The following RIPOR2 variants were observed in gnomAD, a reference collection of about 807,000 sequenced individuals.
RIPOR2 encodes RHO family interacting cell polarization regulator 2, also known as rho family-interacting cell polarization regulator 2.
A neutral mutation model predicts 114.5 loss-of-function variants in RIPOR2; 39 were observed. The observed-to-expected ratio is 0.34, with a 90% CI of 0.26 to 0.44. The LOEUF (loss-of-function observed/expected upper bound fraction) is 0.44. RIPOR2 is among the 20% of genes least tolerant of loss of function. The probability of loss-of-function intolerance (pLI) is 1.00; values close to 1 mark genes in which losing one functional copy is unlikely to be tolerated. For synonymous variants in RIPOR2, 445 were observed against 484.4 expected (o/e 0.92, Z 1.07); for missense variants, 1,007 against 1,255.1 (o/e 0.80, Z 2.99).
At chr6:25,036,385 TTTTG>T (rs1777257733) in intron 1 of RIPOR2, among the ~76,000 whole-genome samples, 2 of 151,696 alleles carry the variant, frequency 1.3e-5, no homozygotes, top group South Asian at 4.2e-4. Context: ...TTCAACGGGT[TTTTG>T]TTTTGTTTTG....
intron 20 of RIPOR2, 128 bp from the exon 21 acceptor site, chr6:24,809,935 A>C: frequency 1.5e-6 from 1 of 655,672 alleles, no homozygotes; most frequent in Non-Finnish European, 2.7e-6. Flanking sequence ...CAATGGAGCA[A>C]TCATAGCTCA....
intron 1 of RIPOR2, among the ~76,000 whole-genome samples, chr6:24,928,661 A>C (rs1771149801): frequency 2.0e-5 from 3 of 152,238 alleles, no homozygotes; most frequent in South Asian, 4.1e-4. Context: ...AGGCAAAGAA[A>C]GAAAAATCTG....
chr6:24,844,866 GAAACTGAC>G (rs761878151), intron 12 of RIPOR2, among the ~76,000 whole-genome samples: 78 of 152,168 alleles, frequency 5.1e-4, no homozygotes, highest in Non-Finnish European at 1.0e-3. Context: ...TAATTATATA[GAAACTGAC>G]AAATTCTCAA....
At chr6:24,969,765 G>A (rs911917043) in intron 1 of RIPOR2, among the ~76,000 whole-genome samples, 1 of 151,970 alleles carries the variant, frequency 6.6e-6, no homozygotes, top group Non-Finnish European at 1.5e-5. Context: ...GCCCCTTACT[G>A]TACCCCCAAC....
rs539410725 is a variant in RIPOR2 at position 25,019,203 on chromosome 6, A to AGT, written c.76+22647_76+22648insAC. Among the ~76,000 whole-genome samples, 97 of 152,358 alleles carry AGT rather than the reference A, an allele frequency of 6.4e-4. No individual in the cohort carries two copies. In the Middle Eastern group the frequency reaches 0.014, roughly 21 times the overall value. On this transcript the variant is annotated intron_variant, in intron 1 of 13. Transcript: ENST00000510784. ...GCAAGCATTATTCTTGTTGATGCCC[A>AGT]GATGGTCCCACATTTGACAAATGCA...
chr6:24,927,110 ATGATT>A (rs1561782279), intron 1 of RIPOR2, among the ~76,000 whole-genome samples: 216 of 938 alleles, frequency 0.23, 100 homozygotes, highest in African/African-American at 0.43. Flanking sequence ...CACCACCACC[ATGATT>A]ATTATAATCA....
At chr6:24,853,137 A>G (rs552304461) in intron 8 of RIPOR2, among the ~76,000 whole-genome samples, 4 of 152,262 alleles carry the variant, frequency 2.6e-5, no homozygotes, top group South Asian at 4.1e-4. Flanking sequence ...TAATGATACA[A>G]TTTGCTGTTA....
At chr6:25,032,253 C>T (rs1777025952) in intron 1 of RIPOR2, among the ~76,000 whole-genome samples, 1 of 151,268 alleles carries the variant, frequency 6.6e-6, no homozygotes, top group South Asian at 2.1e-4. Context: ...TTGTAACAAA[C>T]CTCAGGGAAC....
Position 24,820,869 on chromosome 6 carries a change from CT to C in RIPOR2, c.2869-2245del, listed in dbSNP as rs34770819. On this transcript the variant is annotated intron_variant, in intron 19 of 21. Coordinates refer to ENST00000643898, the MANE Select transcript of RIPOR2 (RefSeq NM_001286445.3). ...TTGTGTGGACATATGGTTTAACACT[CT>C]TTTTTTTTTTTTTTTTTTTTTTGAG... Among the ~76,000 whole-genome samples, 188 of 84,014 alleles carry C rather than the reference CT, an allele frequency of 2.2e-3. 1 individual carries two copies. Among genetic ancestry groups the C allele is most frequent in the South Asian group, 0.019 (45 of 2,408 alleles). 55.1% of individuals were successfully genotyped at this position (84,014 alleles called of 152,430 possible). A position where few individuals can be genotyped will look rare whatever the true frequency, so the allele number is the denominator to read the frequency against.
At chr6:24,852,912 G>T (rs1763105132) in intron 8 of RIPOR2, among the ~76,000 whole-genome samples, 1 of 152,194 alleles carries the variant, frequency 6.6e-6, no homozygotes, top group Non-Finnish European at 1.5e-5. Context: ...GATCCAAGTG[G>T]ATTCTAGGGT....
At chr6:24,951,728 A>G (rs766584594) in intron 1 of RIPOR2, among the ~76,000 whole-genome samples, 7 of 152,240 alleles carry the variant, frequency 4.6e-5, no homozygotes, top group Admixed American at 6.5e-5. Context: ...AGGTTTGGTG[A>G]GAAAAAGAAA....
rs138858451 is a variant in RIPOR2 at position 24,839,358 on chromosome 6, C to CTT, written c.1858-88_1858-87dup. The CTT allele has an allele frequency of 1.6e-5, 21 of 1,272,930 alleles. No homozygotes were observed. In the African/African-American group the frequency reaches 2.1e-4, roughly 13 times the overall value. 78.9% of individuals were successfully genotyped at this position (1,272,930 alleles called of 1,614,324 possible). ...ACGATGCTCAATTGGAGATGCCACA[C>CTT]TTTTTTTTTTGTTTCAAGTTTTTAT... On this transcript the variant is annotated intron_variant, in intron 13 of 21. Coordinates refer to ENST00000643898, the MANE Select transcript of RIPOR2 (RefSeq NM_001286445.3).
intron 1 of RIPOR2, among the ~76,000 whole-genome samples, chr6:24,954,247 T>G (rs1249955056): frequency 6.6e-6 from 1 of 152,236 alleles, no homozygotes. Context: ...TTCCTGAATA[T>G]TTTCTCTTAT....
At chr6:24,840,760 C>A in intron 13 of RIPOR2, 1 of 1,535,508 alleles carries the variant, frequency 6.5e-7, no homozygotes, top group Non-Finnish European at 8.7e-7. Flanking sequence ...TTCTGATCGT[C>A]AAGGTGTTTA....
chr6:24,976,660 G>A, intron 1 of RIPOR2: 2 of 1,608,768 alleles, frequency 1.2e-6, no homozygotes, highest in South Asian at 1.1e-5. Flanking sequence ...AATTATTCCA[G>A]GGTTTATGTG....
intron 18 of RIPOR2, among the ~76,000 whole-genome samples, chr6:24,827,426 A>C (rs1460921017): frequency 6.6e-6 from 1 of 152,176 alleles, no homozygotes; most frequent in Non-Finnish European, 1.5e-5. Flanking sequence ...GTGCCGTGCC[A>C]GACTCACCTA....
intron 1 of RIPOR2, among the ~76,000 whole-genome samples, chr6:24,990,235 C>T (rs145664619): frequency 1.1e-4 from 16 of 152,222 alleles, no homozygotes; most frequent in African/African-American, 3.6e-4. Context: ...TCTCAGTGTG[C>T]TGAAAAGATA....
rs763723982 is a variant in RIPOR2, at chr6:24,873,699, C to T, written c.289G>A (p.Glu97Lys). The T allele has an allele frequency of 3.7e-5, 59 of 1,613,586 alleles. No homozygotes were observed. Among genetic ancestry groups the T allele is most frequent in the East Asian group, 2.0e-4 (9 of 44,884 alleles). Residue 97 changes from glutamate (E) to lysine (K), a missense_variant, in exon 3 of 22, where the codon GAG (glutamate) becomes AAG (lysine). Coordinates refer to ENST00000643898, the MANE Select transcript of RIPOR2 (RefSeq NM_001286445.3). ...LGHKNNNPPKEPQPKRVEEVY... is the reference protein window; with the variant it reads ...LGHKNNNPPKKPQPKRVEEVY... ...TCTTCCACCCTTTTAGGCTGAGGCT[C>T]TTTGGGGGGATTGTTGTTTTTGTGG...
intron 1 of RIPOR2, among the ~76,000 whole-genome samples, chr6:24,933,927 T>C (rs1170925008): frequency 6.6e-6 from 1 of 152,200 alleles, no homozygotes; most frequent in East Asian, 1.9e-4. Flanking sequence ...TTGGAAATGA[T>C]GAATGCTCAG....
Sources: allele counts gnomAD v4.1 joint callset (sites outside exome capture counted in the v4.1 genomes callset), GRCh38; gene constraint gnomAD v4.1.1; transcripts MANE v1.5; gene names NCBI Gene and HGNC (gene_info 2026-07-23, HGNC 2026-07-21).